The following PAK5 variants were observed in gnomAD, a reference collection of about 807,000 sequenced individuals.
The protein encoded by PAK5 is serine/threonine-protein kinase PAK 5.
In PAK5, 16 loss-of-function variants were observed where a neutral mutation model predicts 65.9. The ratio of observed to expected loss-of-function variants is 0.24; its 90% CI spans 0.16 to 0.37. The LOEUF (loss-of-function observed/expected upper bound fraction) is 0.37. PAK5 is among the 10% of genes least tolerant of loss of function. The pLI is 1.00. For synonymous variants in PAK5, 371 were observed against 354.9 expected (o/e 1.05, Z -0.51); for missense variants, 785 against 903.9 (o/e 0.87, Z 1.69).
At chr20:9,564,402 A>T (rs1432234427) in intron 5 of PAK5, among the ~76,000 whole-genome samples, 3 of 152,224 alleles carry the variant, frequency 2.0e-5, no homozygotes, top group African/African-American at 7.2e-5. Flanking sequence ...CCCTAATTGA[A>T]AACTGTGTAC....
At chr20:9,584,365 T>C (rs1309581160) in intron 3 of PAK5, among the ~76,000 whole-genome samples, 2 of 152,206 alleles carry the variant, frequency 1.3e-5, no homozygotes, top group Non-Finnish European at 2.9e-5. Context: ...CAAGCTGGAG[T>C]GTAGTGGCAT....
intron 1 of PAK5, among the ~76,000 whole-genome samples, chr20:9,819,558 T>C (rs1457790315): frequency 6.6e-6 from 1 of 152,334 alleles, no homozygotes; most frequent in Non-Finnish European, 1.5e-5. Context: ...CTAATGAACA[T>C]TTAAAAAACA....
intron 2 of PAK5, among the ~76,000 whole-genome samples, chr20:9,673,042 T>C (rs991450393): frequency 5.3e-5 from 8 of 152,134 alleles, no homozygotes; most frequent in Non-Finnish European, 1.0e-4. Flanking sequence ...TGCAAAACAA[T>C]TGCCCATATG....
intron 1 of PAK5, among the ~76,000 whole-genome samples, chr20:9,824,206 A>T (rs1369030959): frequency 6.6e-6 from 1 of 152,230 alleles, no homozygotes; most frequent in African/African-American, 2.4e-5. Context: ...GTTTCAAAAA[A>T]ATCCCTGTTG....
At chr20:9,821,990 T>C (rs1457900308) in intron 1 of PAK5, among the ~76,000 whole-genome samples, 1 of 152,170 alleles carries the variant, frequency 6.6e-6, no homozygotes, top group Non-Finnish European at 1.5e-5. Flanking sequence ...GGTCCACCAG[T>C]ACCCTACAAG....
At chr20:9,542,204 C>T (rs1385211314) in intron 9 of PAK5, among the ~76,000 whole-genome samples, 1 of 152,170 alleles carries the variant, frequency 6.6e-6, no homozygotes, top group Non-Finnish European at 1.5e-5. Context: ...AACTAGAATG[C>T]AGAGTCTAGA....
intron 3 of PAK5, among the ~76,000 whole-genome samples, chr20:9,638,542 C>G (rs948042481): frequency 2.0e-4 from 30 of 152,200 alleles, no homozygotes; most frequent in Non-Finnish European, 4.1e-4. Context: ...GGTCCTCAGA[C>G]CAGCAGCATC....
In PAK5 at chr20:9,580,748, G is replaced by C; in HGVS notation, c.387C>G (p.Ser129=). Residue 129 remains serine, a synonymous_variant, in exon 4 of 10, where the codon TCC becomes TCG. Coordinates refer to ENST00000353224, the MANE Select transcript of PAK5 (RefSeq NM_177990.4). ...TAGTATCGGATTCGCTGGAATACTG[G>C]GAGAAGGTGATGAAGCCATTTTCTT... ...HAEENGFITF[S]QYSSESDTTA... The C allele has an allele frequency of 3.7e-6, 6 of 1,613,980 alleles. No homozygotes were observed. Among genetic ancestry groups the C allele is most frequent in the Non-Finnish European group, 5.1e-6 (6 of 1,179,972 alleles).
intron 2 of PAK5, among the ~76,000 whole-genome samples, chr20:9,663,586 C>T (rs2047374993): frequency 6.6e-6 from 1 of 152,082 alleles, no homozygotes; most frequent in South Asian, 2.1e-4. Context: ...GCTTATTGAT[C>T]CTACTTTCAG....
At position 9,562,900 on chromosome 20, in the gene PAK5, G is replaced by A. The variant is rs760772824; in HGVS notation, c.1607C>T (p.Thr536Ile). Residue 536 changes from threonine (T) to isoleucine (I), a missense_variant, in exon 6 of 10, where the codon ACT becomes ATT. Thr to Ile is a moderately conservative substitution (Grantham distance 89, BLOSUM62 -1). Coordinates refer to ENST00000353224, the MANE Select transcript of PAK5 (RefSeq NM_177990.4). The stretch of plus-strand genomic sequence containing the variant: ...TAATAAAGAAGCCTACCTGGTGTGA[G>A]TCACAATGTCTGTCAAGGCACCACC... ...LEGGALTDIV[T>I]HTRMNEEQIA... The A allele has an allele frequency of 2.5e-6, 4 of 1,613,532 alleles. No homozygotes were observed. The highest frequency in any genetic ancestry group is 2.2e-5 in the East Asian group (1 of 44,870).
chr20:9,818,612 C>T (rs1303704962), intron 1 of PAK5: 1 of 152,128 alleles, frequency 6.6e-6, no homozygotes, highest in Non-Finnish European at 1.5e-5. Flanking sequence ...TGCACATAGA[C>T]CGTAATATTC....
intron 3 of PAK5, among the ~76,000 whole-genome samples, chr20:9,617,092 G>A (rs2123166927): frequency 6.6e-6 from 1 of 152,314 alleles, no homozygotes; most frequent in South Asian, 2.1e-4. Flanking sequence ...TTCCAAGTGA[G>A]TCGATGGCAC....
intron 1 of PAK5, among the ~76,000 whole-genome samples, chr20:9,807,186 T>C (rs2049243038): frequency 6.6e-6 from 1 of 152,196 alleles, no homozygotes; most frequent in Admixed American, 6.5e-5. Context: ...CTTTTTGTCA[T>C]ATAAAGGAAT....
intron 2 of PAK5, among the ~76,000 whole-genome samples, chr20:9,682,234 G>A (rs925635895): frequency 4.6e-5 from 7 of 152,094 alleles, no homozygotes; most frequent in Admixed American, 3.9e-4. Flanking sequence ...GCGGGCGCCT[G>A]TAGTCCTAGC....
chr20:9,725,839 C>A (rs886907343), intron 1 of PAK5, among the ~76,000 whole-genome samples: 3 of 151,678 alleles, frequency 2.0e-5, no homozygotes, highest in African/African-American at 4.8e-5. Context: ...TCAAGAAATG[C>A]AATAAAGATT....
intron 4 of PAK5, among the ~76,000 whole-genome samples, chr20:9,569,207 A>T (rs2045733826): frequency 6.6e-6 from 1 of 152,224 alleles, no homozygotes; most frequent in African/African-American, 2.4e-5. Context: ...ATAATTTGTT[A>T]TGCAGCAATA....
At chr20:9,820,854 T>G (rs1463875731) in intron 1 of PAK5, among the ~76,000 whole-genome samples, 1 of 119,590 alleles carries the variant, frequency 8.4e-6, no homozygotes, top group African/African-American at 3.3e-5. Context: ...AGAGCAGAAC[T>G]GTAACACTCA....
At chr20:9,812,358 T>C (rs1233423948) in intron 1 of PAK5, among the ~76,000 whole-genome samples, 1 of 151,674 alleles carries the variant, frequency 6.6e-6, no homozygotes, top group Non-Finnish European at 1.5e-5. Context: ...GATGTACAAA[T>C]GGCAAGTAAC....
chr20:9,829,223 T>C (rs1245492702), intron 1 of PAK5, among the ~76,000 whole-genome samples: 2 of 152,252 alleles, frequency 1.3e-5, no homozygotes, highest in African/African-American at 4.8e-5. Context: ...TTACTTTCCC[T>C]TTTCATGAGG....
Sources: gnomAD v4.1 joint callset for allele counts (sites outside exome capture counted in the v4.1 genomes callset) on GRCh38, gnomAD v4.1.1 for gene constraint, MANE v1.5 for transcripts, NCBI Gene and HGNC (gene_info 2026-07-23, HGNC 2026-07-21) for gene names.